NF1: variants seen among roughly 807,000 people sequenced by gnomAD.
NF1 encodes neurofibromin.
NF1 carries 122 observed loss-of-function variants against 325.7 expected under a neutral mutation model. The ratio of observed to expected loss-of-function variants is 0.37; its 90% CI spans 0.32 to 0.44. The LOEUF is 0.44. NF1 is among the 20% of genes least tolerant of loss of function. NF1 has a pLI of 1.00. For synonymous variants in NF1, 1,091 were observed against 1,186.0 expected, an observed-to-expected ratio of 0.92 and a Z score of 1.65; for missense variants, 2,140 against 3,415.4, an observed-to-expected ratio of 0.63 and a Z score of 9.31.
In NF1 at chr17:31,169,866, G is replaced by A. The variant is rs574298324; in HGVS notation, c.480-25G>A. 4.9e-6 allele frequency: 7 copies of A among 1,428,800 alleles called. No individual in the cohort carries two copies. In the East Asian group the frequency reaches 1.8e-4, roughly 36 times the overall value. 88.5% of individuals were successfully genotyped at this position (1,428,800 alleles called of 1,614,324 possible). Reference sequence around the variant, plus strand: ...TGTCCCCTAATACTTAATTTGATAAGTTAATTTTGGTTTTTACTTTTTAGG... The same window carrying A: ...TGTCCCCTAATACTTAATTTGATAAATTAATTTTGGTTTTTACTTTTTAGG... On this transcript the variant is annotated intron_variant, in intron 4 of 57. Coordinates refer to ENST00000358273, the MANE Select transcript of NF1 (RefSeq NM_001042492.3).
chr17:31,144,111 C>G (rs1481797767), intron 1 of NF1, among the ~76,000 whole-genome samples: 3 of 152,240 alleles, frequency 2.0e-5, no homozygotes, highest in Non-Finnish European at 4.4e-5. Flanking sequence ...GCTTGAGCCA[C>G]TGCGCCTGGC....
intron 2 of NF1, among the ~76,000 whole-genome samples, chr17:31,157,231 C>T (rs566790092): frequency 9.9e-5 from 15 of 152,066 alleles, no homozygotes; most frequent in African/African-American, 3.4e-4. Context: ...TTAGGTGATC[C>T]GCCTGCCTCG....
chr17:31,131,673 A>T (rs1438418726), intron 1 of NF1, among the ~76,000 whole-genome samples: 1 of 152,222 alleles, frequency 6.6e-6, no homozygotes, highest in Non-Finnish European at 1.5e-5. Flanking sequence ...ATTGAAATGT[A>T]TAAATTTAAC....
intron 51 of NF1, chr17:31,356,071 C>G (rs1368065278): frequency 1.7e-5 from 3 of 173,436 alleles, no homozygotes; most frequent in Non-Finnish European, 3.7e-5. Context: ...GTTCTTGGCA[C>G]CAGCAGCGTT....
At chr17:31,280,156 A>G (rs921411318) in intron 36 of NF1, among the ~76,000 whole-genome samples, 10 of 152,106 alleles carry the variant, frequency 6.6e-5, no homozygotes, top group Non-Finnish European at 1.5e-4. Flanking sequence ...TTTTCTGTAA[A>G]GGACCAAATA....
chr17:31,169,397 T>C (rs536924656), intron 4 of NF1, among the ~76,000 whole-genome samples: 2 of 152,342 alleles, frequency 1.3e-5, no homozygotes, highest in South Asian at 4.1e-4. Context: ...CATGGTTTCT[T>C]TTATCATATC....
intron 38 of NF1, among the ~76,000 whole-genome samples, chr17:31,329,993 C>T (rs2069440274): frequency 6.6e-6 from 1 of 152,130 alleles, no homozygotes; most frequent in African/African-American, 2.4e-5. Flanking sequence ...CATAAGTCCT[C>T]TCATATTTTA....
At chr17:31,337,747 A>G (rs2151557054) in intron 43 of NF1, 72 bp from the exon 44 acceptor site, 1 of 1,521,726 alleles carries the variant, frequency 6.6e-7, no homozygotes, top group Admixed American at 1.7e-5. Context: ...TAATGACATC[A>G]TAATAAACAT....
At chr17:31,118,508 T>A (rs1313200681) in intron 1 of NF1, among the ~76,000 whole-genome samples, 1 of 152,142 alleles carries the variant, frequency 6.6e-6, no homozygotes, top group Non-Finnish European at 1.5e-5. Context: ...TTTTCATTGC[T>A]CAACTCGTAC....
chr17:31,299,794 C>T (rs924244107), intron 36 of NF1, among the ~76,000 whole-genome samples: 1 of 152,048 alleles, frequency 6.6e-6, no homozygotes, highest in African/African-American at 2.4e-5. Flanking sequence ...GCCCACCTCC[C>T]TACTCCTTTT....
intron 4 of NF1, among the ~76,000 whole-genome samples, chr17:31,166,528 A>G (rs2065847020): frequency 6.6e-6 from 1 of 151,840 alleles, no homozygotes. Flanking sequence ...TTCTGGAGCT[A>G]TTTTTTTCTT....
At chr17:31,200,629 T>G in intron 9 of NF1, 34 bp downstream of exon 9, 4 of 1,602,806 alleles carry the variant, frequency 2.5e-6, no homozygotes, top group Non-Finnish European at 3.4e-6. Flanking sequence ...CTACAAACTT[T>G]AAGAAAATTA....
intron 36 of NF1, among the ~76,000 whole-genome samples, chr17:31,270,229 C>A (rs1281143698): frequency 1.3e-5 from 2 of 152,152 alleles, no homozygotes; most frequent in Non-Finnish European, 2.9e-5. Flanking sequence ...AGATAGAGGA[C>A]CAATTTAATA....
At chr17:31,333,502 A>G (rs1339692330) in intron 39 of NF1, among the ~76,000 whole-genome samples, 1 of 152,198 alleles carries the variant, frequency 6.6e-6, no homozygotes, top group African/African-American at 2.4e-5. Context: ...CCCTTCACCA[A>G]GAGTAAACAC....
intron 36 of NF1, among the ~76,000 whole-genome samples, chr17:31,276,066 A>G (rs1338267049): frequency 6.6e-6 from 1 of 151,950 alleles, no homozygotes; most frequent in Non-Finnish European, 1.5e-5. Flanking sequence ...AAAATTAGCC[A>G]GGCTTGGTGG....
At chr17:31,334,693 A>G (rs113164578) in intron 39 of NF1, 145 bp from the exon 40 acceptor site, 3 of 670,668 alleles carry the variant, frequency 4.5e-6, no homozygotes, top group South Asian at 1.8e-5. Context: ...CTACAAAAAT[A>G]TATTTGCCAA....
At chr17:31,200,382 A>G in intron 8 of NF1, 40 bp from the exon 9 acceptor site, 2 of 1,598,842 alleles carry the variant, frequency 1.3e-6, no homozygotes, top group Non-Finnish European at 1.7e-6. Context: ...AATAGAAGAA[A>G]CTTCATATAT....
intron 3 of NF1, among the ~76,000 whole-genome samples, chr17:31,162,472 T>C (rs1266661193): frequency 1.3e-5 from 2 of 152,200 alleles, no homozygotes; most frequent in African/African-American, 4.8e-5. Flanking sequence ...AAACATCATG[T>C]TGTAATCGGT....
chr17:31,334,544 A>G (rs1444769427), intron 39 of NF1: 2 of 371,502 alleles, frequency 5.4e-6, no homozygotes, highest in Non-Finnish European at 1.0e-5. Flanking sequence ...TATGATTACC[A>G]CATTTCCTTT....
Sources: gnomAD v4.1 joint callset for allele counts (sites outside exome capture counted in the v4.1 genomes callset) on GRCh38, gnomAD v4.1.1 for gene constraint, MANE v1.5 for transcripts, NCBI Gene and HGNC (gene_info 2026-07-23, HGNC 2026-07-21) for gene names.